DLC1: variants seen among roughly 807,000 people sequenced by gnomAD.
DLC1 encodes the protein rho GTPase-activating protein 7.
A neutral mutation model predicts 140.3 loss-of-function variants in DLC1; 54 were observed. That is an observed-to-expected ratio of 0.38 (90% CI 0.31 to 0.48). The LOEUF is 0.48. DLC1 is among the 20% of genes least tolerant of loss of function. DLC1 has a pLI of 0.96. For synonymous variants in DLC1, 986 were observed against 728.1 expected, an observed-to-expected ratio of 1.35 and a Z score of -5.70; for missense variants, 2,536 against 1,907.0, an observed-to-expected ratio of 1.33 and a Z score of -6.14.
intron 5 of DLC1, among the ~76,000 whole-genome samples, chr8:13,242,554 T>A (rs1269177753): frequency 9.2e-5 from 14 of 152,038 alleles, no homozygotes; most frequent in Admixed American, 6.6e-4. Flanking sequence ...TGCCACTACA[T>A]CTGTACTTTT....
At chr8:13,307,042 C>T (rs1477575505) in intron 4 of DLC1, among the ~76,000 whole-genome samples, 2 of 138,508 alleles carry the variant, frequency 1.4e-5, no homozygotes, top group South Asian at 4.6e-4. Flanking sequence ...CGAGACCACA[C>T]CATTGCACTC....
intron 8 of DLC1, among the ~76,000 whole-genome samples, chr8:13,102,007 A>G (rs2128938996): frequency 6.6e-6 from 1 of 152,312 alleles, no homozygotes; most frequent in African/African-American, 2.4e-5. Flanking sequence ...ACTCTTCTGC[A>G]TAGCTCAGTG....
intron 5 of DLC1, among the ~76,000 whole-genome samples, chr8:13,138,539 A>C (rs1236308102): frequency 6.6e-6 from 1 of 152,216 alleles, no homozygotes; most frequent in Non-Finnish European, 1.5e-5. Context: ...AAATGTTATA[A>C]TTTGTGTTCA....
intron 4 of DLC1, among the ~76,000 whole-genome samples, chr8:13,363,467 G>A (rs1586211063): frequency 6.6e-6 from 1 of 151,506 alleles, no homozygotes; most frequent in Non-Finnish European, 1.5e-5. Flanking sequence ...TAACAAATTG[G>A]TCTCAGGTCA....
At chr8:13,180,188 C>G (rs1037214279) in intron 5 of DLC1, among the ~76,000 whole-genome samples, 9 of 152,314 alleles carry the variant, frequency 5.9e-5, no homozygotes, top group South Asian at 2.1e-4. Context: ...TTAGTGCAGT[C>G]AAACTACTTG....
At chr8:13,093,012 T>C (rs1347670152) in intron 12 of DLC1, among the ~76,000 whole-genome samples, 187 bp from the exon 13 acceptor site, 1 of 152,182 alleles carries the variant, frequency 6.6e-6, no homozygotes, top group Non-Finnish European at 1.5e-5. Flanking sequence ...TCCTCAAGTA[T>C]TTCCTGCCTC....
At chr8:13,382,801 T>G (rs574266992) in intron 4 of DLC1, among the ~76,000 whole-genome samples, 1 of 152,170 alleles carries the variant, frequency 6.6e-6, no homozygotes, top group Non-Finnish European at 1.5e-5. Context: ...TGAAAGATAC[T>G]TCACAGATCC....
At chr8:13,417,692 G>A (rs1454340930) in intron 2 of DLC1, among the ~76,000 whole-genome samples, 1 of 152,146 alleles carries the variant, frequency 6.6e-6, no homozygotes, top group Non-Finnish European at 1.5e-5. Flanking sequence ...TGTCTTTATA[G>A]CAGCATGATT....
At chr8:13,102,879 C>A (rs1304199679) in intron 7 of DLC1, 26 bp from the exon 8 acceptor site, 2 of 1,599,964 alleles carry the variant, frequency 1.3e-6, no homozygotes, top group Admixed American at 3.4e-5. Flanking sequence ...ATAACGTTAG[C>A]AAAGATAGGC....
chr8:13,122,421 T>C (rs903127282), intron 5 of DLC1, among the ~76,000 whole-genome samples: 6 of 152,202 alleles, frequency 3.9e-5, no homozygotes, highest in South Asian at 2.1e-4. Context: ...CACTTTTTAA[T>C]TCATTTGTAT....
rs1378913156 is a variant in DLC1 at position 13,191,695 on chromosome 8, T to C, written c.1349-76038A>G. On this transcript the variant is annotated intron_variant, in intron 5 of 17. Coordinates refer to ENST00000276297, the MANE Select transcript of DLC1 (RefSeq NM_182643.3). ...CTTAATTTTATAAAGCCTAAATCTA[T>C]GGGACAAACCACAGGACTGAGGGTC... 2.0e-5 allele frequency among the ~76,000 whole-genome samples: 3 copies of C among 152,144 alleles called. No individual in the cohort carries two copies. The East Asian group carries it at 5.8e-4, about 29-fold the overall frequency.
At chr8:13,406,669 A>T (rs1837578174) in intron 2 of DLC1, among the ~76,000 whole-genome samples, 1 of 152,192 alleles carries the variant, frequency 6.6e-6, no homozygotes, top group Non-Finnish European at 1.5e-5. Context: ...TTCTCTGGAT[A>T]TGATATAATT....
chr8:13,578,775 T>C (rs971593723), intron 1 of DLC1, among the ~76,000 whole-genome samples: 3 of 146,800 alleles, frequency 2.0e-5, no homozygotes, highest in African/African-American at 7.6e-5. Context: ...TCTCCAGGTG[T>C]CCCACCCTCC....
At chr8:13,274,101 G>T (rs776402684) in intron 5 of DLC1, among the ~76,000 whole-genome samples, 6 of 152,152 alleles carry the variant, frequency 3.9e-5, no homozygotes, top group Admixed American at 1.3e-4. Flanking sequence ...ATTTTCTCTG[G>T]TGTTCAGAGA....
At chr8:13,585,843 C>T (rs981954585) in intron 1 of DLC1, among the ~76,000 whole-genome samples, 4 of 152,136 alleles carry the variant, frequency 2.6e-5, no homozygotes, top group African/African-American at 9.7e-5. Flanking sequence ...AACTTGATTA[C>T]CATTGTAAAC....
intron 5 of DLC1, among the ~76,000 whole-genome samples, chr8:13,124,485 G>C (rs1053679083): frequency 1.3e-5 from 2 of 152,220 alleles, no homozygotes; most frequent in South Asian, 2.1e-4. Flanking sequence ...TCAGATGGAA[G>C]CACCTTCTGA....
At chr8:13,235,986 A>C (rs200667698) in intron 5 of DLC1, among the ~76,000 whole-genome samples, 3 of 6,976 alleles carry the variant, frequency 4.3e-4, no homozygotes, top group African/African-American at 2.4e-3. Context: ...AGTGAAATTT[A>C]AAAAAAAAAC....
intron 1 of DLC1, among the ~76,000 whole-genome samples, chr8:13,552,984 C>T (rs1803914957): frequency 6.6e-6 from 1 of 151,228 alleles, no homozygotes; most frequent in South Asian, 2.1e-4. Context: ...ATTTAGCTTT[C>T]ATTGGTTAAT....
chr8:13,163,534 C>A (rs115194240), intron 5 of DLC1, among the ~76,000 whole-genome samples: 3,270 of 152,144 alleles, frequency 0.021, 120 homozygotes, highest in African/African-American at 0.072. Flanking sequence ...GTCACAGGCA[C>A]TTTTGTGTGT....
Sources: gnomAD v4.1 joint callset for allele counts (sites outside exome capture counted in the v4.1 genomes callset) on GRCh38, gnomAD v4.1.1 for gene constraint, MANE v1.5 for transcripts, NCBI Gene and HGNC (gene_info 2026-07-23, HGNC 2026-07-21) for gene names.